The following SUSD3 variants were observed in gnomAD, a reference collection of about 807,000 sequenced individuals.
SUSD3 encodes the protein sushi domain containing 3.
In SUSD3, 18 loss-of-function variants were observed where a neutral mutation model predicts 20.6. That is an observed-to-expected ratio of 0.87 (90% CI 0.60 to 1.30). The LOEUF (loss-of-function observed/expected upper bound fraction) is 1.30, where lower values mean the gene tolerates loss of function less well. Ranked by LOEUF, SUSD3 falls within the 50% of genes most tolerant of loss-of-function variation. The pLI is 0.00. For missense variants in SUSD3, 306 were observed against 346.9 expected (o/e 0.88, Z 0.94); for synonymous variants, 137 against 141.5 (o/e 0.97, Z 0.23).
chr9:93,076,087 C>A, intron 2 of SUSD3, 115 bp downstream of exon 2: 1 of 902,894 alleles, frequency 1.1e-6, no homozygotes, highest in South Asian at 1.7e-5. Flanking sequence ...GCAGCTAGGC[C>A]AGTGTGTAGG....
At chr9:93,074,863 C>T (rs1443563899) in intron 1 of SUSD3, among the ~76,000 whole-genome samples, 1 of 152,068 alleles carries the variant, frequency 6.6e-6, no homozygotes, top group Non-Finnish European at 1.5e-5. Context: ...CCACCTGCCT[C>T]GGCCTCCCAA....
Position 93,077,892 on chromosome 9 carries a change from C to T in SUSD3, c.324C>T (p.Ala108=). 6.2e-7 allele frequency: 1 copy of T among 1,614,228 alleles called. No individual in the cohort carries two copies. Among genetic ancestry groups the T allele is most frequent in the Non-Finnish European group, 8.5e-7 (1 of 1,180,036 alleles). The change falls in exon 3 of 5, where the codon GCC becomes GCT. Residue 108 remains alanine (A), a synonymous_variant. Coordinates refer to ENST00000375472, the MANE Select transcript of SUSD3 (RefSeq NM_145006.4). Reference sequence around the variant, plus strand: ...TTGGCTTCAAGGTGGCCGTGATCGCCTCCATTGTGAGCTGTGCCATCATCC... The same window carrying T: ...TTGGCTTCAAGGTGGCCGTGATCGCTTCCATTGTGAGCTGTGCCATCATCC... ...ETFGFKVAVI[A]SIVSCAIILL...
intron 1 of SUSD3, among the ~76,000 whole-genome samples, chr9:93,073,832 GTGTGTGTGTC>G (rs936881319): frequency 1.1e-4 from 17 of 152,166 alleles, no homozygotes; most frequent in African/African-American, 3.9e-4. Flanking sequence ...GATGCATTTT[GTGTGTGTGTC>G]TGTGTGTGTA....
At chr9:93,083,279 G>A (rs537157230) in intron 4 of SUSD3, among the ~76,000 whole-genome samples, 9 of 152,254 alleles carry the variant, frequency 5.9e-5, no homozygotes, top group African/African-American at 2.2e-4. Flanking sequence ...AGCTTCATGG[G>A]GACTCAGAGA....
chr9:93,079,084 G>A (rs566742853), intron 3 of SUSD3, among the ~76,000 whole-genome samples: 1 of 152,186 alleles, frequency 6.6e-6, no homozygotes, highest in Non-Finnish European at 1.5e-5. Flanking sequence ...TTACAGGCAT[G>A]AGCCACTGCG....
intron 4 of SUSD3, among the ~76,000 whole-genome samples, chr9:93,084,199 G>C (rs971169015): frequency 6.6e-6 from 1 of 152,066 alleles, no homozygotes; most frequent in African/African-American, 2.4e-5. Context: ...CCAGGCCCTG[G>C]CCAGACAGCT....
intron 1 of SUSD3, among the ~76,000 whole-genome samples, chr9:93,066,364 G>A (rs976305985): frequency 1.3e-5 from 2 of 152,116 alleles, no homozygotes; most frequent in Non-Finnish European, 2.9e-5. Context: ...CTCTTGAGTA[G>A]CTGGAACTAC....
At chr9:93,064,194 C>A (rs1825616822) in intron 1 of SUSD3, among the ~76,000 whole-genome samples, 1 of 152,196 alleles carries the variant, frequency 6.6e-6, no homozygotes, top group African/African-American at 2.4e-5. Flanking sequence ...ACTACAGGTG[C>A]ACACCGCCAC....
chr9:93,070,681 G>GC (rs1825877691), intron 1 of SUSD3, among the ~76,000 whole-genome samples: 1 of 152,174 alleles, frequency 6.6e-6, no homozygotes, highest in Admixed American at 6.5e-5. Context: ...CATTTCCTCA[G>GC]CACCCCAGTC....
intron 1 of SUSD3, 39 bp downstream of exon 1, chr9:93,058,869 C>A (rs893992191): frequency 9.2e-6 from 11 of 1,191,164 alleles, no homozygotes; most frequent in Non-Finnish European, 1.2e-5. Context: ...CGGGGCTCTG[C>A]GCCCATTTCA....
intron 1 of SUSD3, among the ~76,000 whole-genome samples, 167 bp downstream of exon 1, chr9:93,058,997 C>T (rs961245758): frequency 1.3e-5 from 2 of 152,206 alleles, no homozygotes; most frequent in Admixed American, 1.3e-4. Context: ...AGCAGGCGCC[C>T]TAGCGGAGCC....
intron 1 of SUSD3, among the ~76,000 whole-genome samples, chr9:93,062,207 C>G (rs886327478): frequency 6.6e-6 from 1 of 152,210 alleles, no homozygotes; most frequent in Admixed American, 6.5e-5. Context: ...GGCTGAGGGC[C>G]GCTCAGGCAT....
At chr9:93,064,362 C>G (rs1357035879) in intron 1 of SUSD3, among the ~76,000 whole-genome samples, 2 of 152,184 alleles carry the variant, frequency 1.3e-5, no homozygotes, top group Non-Finnish European at 2.9e-5. Context: ...ACCCTTTATC[C>G]CCCACGTCTG....
chr9:93,074,215 C>T (rs1421599282), intron 1 of SUSD3, among the ~76,000 whole-genome samples: 3 of 151,874 alleles, frequency 2.0e-5, no homozygotes, highest in Admixed American at 1.3e-4. Flanking sequence ...GAGGCCAAGG[C>T]GGCCGGATCA....
chr9:93,078,137 T>TC (rs371433538), intron 3 of SUSD3, 144 bp downstream of exon 3: 13 of 1,168,458 alleles, frequency 1.1e-5, no homozygotes, highest in South Asian at 4.3e-5. Flanking sequence ...GGCCTGCGTC[T>TC]CCCCCCCAAG....
chr9:93,082,691 A>G (rs1340080560), intron 4 of SUSD3, among the ~76,000 whole-genome samples: 1 of 152,068 alleles, frequency 6.6e-6, no homozygotes, highest in Non-Finnish European at 1.5e-5. Context: ...GAGATATCCA[A>G]AGCCACTTTC....
intron 1 of SUSD3, among the ~76,000 whole-genome samples, chr9:93,065,842 T>G (rs1399503269): frequency 6.6e-6 from 1 of 152,338 alleles, no homozygotes; most frequent in Admixed American, 6.5e-5. Context: ...TCTCCAGATA[T>G]GGAGCTTGGT....
intron 1 of SUSD3, among the ~76,000 whole-genome samples, chr9:93,059,374 C>T (rs532145576): frequency 3.3e-5 from 5 of 152,280 alleles, no homozygotes; most frequent in African/African-American, 7.2e-5. Context: ...GGGATCGCCT[C>T]GGCTGTCTCG....
rs1265577188 is a variant in SUSD3, at chr9:93,084,666, GGC to G, written c.688_689del (p.Ala230LysfsTer30). 6.2e-7 allele frequency: 1 copy of G among 1,607,710 alleles called. No homozygotes were observed. The highest frequency in any genetic ancestry group is 1.3e-5 in the African/African-American group (1 of 74,820). Reference sequence around the variant, plus strand: ...CCCAAGCCCAGGTGATGGTGCACATGGCAAACCCCAGACAGCCCCTGCCTGCC... The same window carrying G: ...CCCAAGCCCAGGTGATGGTGCACATGAAACCCCAGACAGCCCCTGCCTGCC... ...SPQAQVMVHM[A>X]NPRQPLPASG... On this transcript the variant is annotated frameshift_variant, in exon 5 of 5. Transcript: ENST00000375472. LOFTEE classifies it low-confidence loss of function (END_TRUNC).
Sources: allele counts gnomAD v4.1 joint callset (sites outside exome capture counted in the v4.1 genomes callset), GRCh38; gene constraint gnomAD v4.1.1; transcripts MANE v1.5; gene names NCBI Gene and HGNC (gene_info 2026-07-23, HGNC 2026-07-21).